MEGF8: variants seen among roughly 807,000 people sequenced by gnomAD.
MEGF8 encodes the protein multiple epidermal growth factor-like domains protein 8.
MEGF8 carries 156 observed loss-of-function variants against 302.9 expected under a neutral mutation model. That is an observed-to-expected ratio of 0.52 (90% CI 0.45 to 0.59). The LOEUF (loss-of-function observed/expected upper bound fraction) is 0.59, where lower values mean the gene tolerates loss of function less well. Ranked by LOEUF, MEGF8 falls within the 20% of genes least tolerant of loss-of-function variation. MEGF8 has a pLI of 0.00. For missense variants in MEGF8, 3,345 were observed against 3,964.5 expected, an observed-to-expected ratio of 0.84 and a Z score of 4.20; for synonymous variants, 1,621 against 1,660.5, an observed-to-expected ratio of 0.98 and a Z score of 0.58.
rs1355025089 is a variant in MEGF8, at chr19:42,353,725, G to C, written c.3761+50G>C. 6.4e-7 allele frequency: 1 copy of C among 1,573,974 alleles called. No individual in the cohort carries two copies. The highest frequency in any genetic ancestry group is 1.7e-5 in the Admixed American group (1 of 58,066). On this transcript the variant is annotated intron_variant, in intron 21 of 41. Transcript: ENST00000251268. This position sits in a 1 kb window ranked among gnomAD's most constrained non-coding sequence, Gnocchi z 6.1. The stretch of plus-strand genomic sequence containing the variant: ...TGGGTAGGGTGTGCTTGGGGACACA[G>C]TGGGGAGGGTCAGGACTGGTCTGAC...
chr19:42,375,353 C>CG lies in MEGF8; in HGVS notation c.7270-148dup, dbSNP rs1568579428. Among the ~76,000 whole-genome samples, 1 of 152,062 alleles carries CG rather than the reference C, an allele frequency of 6.6e-6. No individual in the cohort carries two copies. Among genetic ancestry groups the CG allele is most frequent in the South Asian group, 2.1e-4 (1 of 4,810 alleles). ...GGTCTACACTGTGGCAGAGAAGGTC[C>CG]GGGGGGTCACAGGGAAGTGACTGGG... On this transcript the variant is annotated intron_variant, in intron 41 of 41. Transcript: ENST00000251268. The surrounding 1 kb of genome is among the most constrained non-coding windows in gnomAD (Gnocchi z 7.1).
intron 35 of MEGF8, among the ~76,000 whole-genome samples, chr19:42,365,678 G>T (rs924589370): frequency 1.7e-4 from 26 of 150,342 alleles, no homozygotes; most frequent in Non-Finnish European, 3.1e-4. Flanking sequence ...AGGCTGAGGT[G>T]GGAGGATCAC....
chr19:42,365,558 G>A (rs1415717940), intron 35 of MEGF8, among the ~76,000 whole-genome samples: 1 of 149,328 alleles, frequency 6.7e-6, no homozygotes, highest in African/African-American at 2.5e-5. Context: ...TTGAGGCCAG[G>A]AGTTCGAGAC....
In MEGF8 at chr19:42,378,724, G is replaced by A. The variant is rs1417352667; in HGVS notation, c.*1949G>A. 4 of 153,778 alleles carry A rather than the reference G, an allele frequency of 2.6e-5. No individual in the cohort carries two copies. In the East Asian group the frequency reaches 7.7e-4, roughly 30 times the overall value. 9.5% of individuals were successfully genotyped at this position (153,778 alleles called of 1,614,324 possible). A position where few individuals can be genotyped will look rare whatever the true frequency, so the allele number is the denominator to read the frequency against. On this transcript the variant is annotated 3_prime_UTR_variant, in exon 42 of 42. Transcript: ENST00000251268. ...GGTGGTGGGGACCACATCAGAAGAA[G>A]AGGGGGGTGATGAAATTAACAAATA... is the stretch of plus-strand genomic sequence containing the variant.
Position 42,351,544 on chromosome 19 carries a change from C to T in MEGF8, c.2971C>T (p.Arg991Ter), listed in dbSNP as rs779375840. ...GGCCCGGTACCCACACGGGGGCTGT[C>T]GAGGCTGGGACGACAGGTATGGTCC... The part of the protein sequence containing the change: ...YLARYPHGGC[R>*]GWDDSVHSEP... Residue 991 changes from arginine (R) to a stop codon, truncating the protein, a stop_gained, in exon 17 of 42, where the codon CGA becomes TGA. Transcript: ENST00000251268. LOFTEE classifies it high-confidence loss of function. This position sits in a 1 kb window ranked among gnomAD's most constrained non-coding sequence, Gnocchi z 5.6. 37 of 1,609,236 alleles carry T rather than the reference C, an allele frequency of 2.3e-5. No homozygotes were observed. Among genetic ancestry groups the T allele is most frequent in the Non-Finnish European group, 3.1e-5 (36 of 1,178,200 alleles).
At position 42,362,503 on chromosome 19, in the gene MEGF8, A is replaced by C. The variant is rs749147794; in HGVS notation, c.5964A>C (p.Ala1988=). Residue 1988 remains alanine (A), a synonymous_variant, in exon 34 of 42, where the codon GCA becomes GCC. Coordinates refer to ENST00000251268, the MANE Select transcript of MEGF8 (RefSeq NM_001271938.2). The part of the protein sequence containing the change: ...CRINQREVFW[A]GNCSEAACGA... ...TCAACCAGCGAGAGGTCTTCTGGGC[A>C]GGGAACTGCTCCGAGGCTGCGTGCG... 6.2e-7 allele frequency: 1 copy of C among 1,613,926 alleles called. No homozygotes were observed. Among genetic ancestry groups the C allele is most frequent in the South Asian group, 1.1e-5 (1 of 91,088 alleles).
chr19:42,373,100 C>T (rs2039714314), intron 41 of MEGF8, among the ~76,000 whole-genome samples: 1 of 145,450 alleles, frequency 6.9e-6, no homozygotes, highest in Non-Finnish European at 1.5e-5. Context: ...TTCTTGGTTC[C>T]TTTTTTTTTT....
Position 42,376,052 on chromosome 19 carries a change from T to C in MEGF8, c.7815T>C (p.His2605=). 3.1e-6 allele frequency: 5 copies of C among 1,604,334 alleles called. No homozygotes were observed. Among genetic ancestry groups the C allele is most frequent in the African/African-American group, 2.7e-5 (2 of 75,014 alleles). Residue 2605 remains histidine (H), a synonymous_variant, in exon 42 of 42, where the codon CAT becomes CAC. Transcript: ENST00000251268. This position sits in a 1 kb window ranked among gnomAD's most constrained non-coding sequence, Gnocchi z 8.2. ...TCATCACCTACCCACACGAGCACCATGCCCTCAAGTCGAGCCGCTTCTACC... is the reference window on the plus strand; with the variant it reads ...TCATCACCTACCCACACGAGCACCACGCCCTCAAGTCGAGCCGCTTCTACC... The part of the protein sequence containing the change: ...RLVITYPHEH[H]ALKSSRFYLL...
intron 31 of MEGF8, 105 bp downstream of exon 31, chr19:42,359,347 C>A: frequency 1.9e-6 from 2 of 1,080,450 alleles, no homozygotes; most frequent in Non-Finnish European, 2.5e-6. Flanking sequence ...CCCTGCAGAC[C>A]CACTGGCAGA....
rs1600018790 is a variant in MEGF8, at chr19:42,336,665, A to G, written c.1245-142A>G. 1 of 1,278,308 alleles carries G rather than the reference A, an allele frequency of 7.8e-7. No homozygotes were observed. 79.2% of individuals were successfully genotyped at this position (1,278,308 alleles called of 1,614,324 possible). A position where few individuals can be genotyped will look rare whatever the true frequency, so the allele number is the denominator to read the frequency against. ...TCAGAGATGACTCAGGGTCCTGCCC[A>G]CAGGGAACTTCTAGTTTGGAGGGGA... On this transcript the variant is annotated intron_variant, in intron 6 of 41. Coordinates refer to ENST00000251268, the MANE Select transcript of MEGF8 (RefSeq NM_001271938.2). The surrounding 1 kb of genome is among the most constrained non-coding windows in gnomAD (Gnocchi z 4.8).
intron 8 of MEGF8, among the ~76,000 whole-genome samples, chr19:42,340,729 A>G (rs922134756): frequency 6.6e-6 from 1 of 151,894 alleles, no homozygotes; most frequent in Non-Finnish European, 1.5e-5. Context: ...GTGCGGTAGC[A>G]TAGTCTCCAC....
At chr19:42,349,390 C>G (rs1284138974) in intron 13 of MEGF8, 109 bp from the exon 14 acceptor site, 1 of 960,772 alleles carries the variant, frequency 1.0e-6, no homozygotes, top group East Asian at 2.6e-5. Context: ...CTCTGAGGCC[C>G]TCTTCTTAGG....
At chr19:42,362,987 G>C in intron 34 of MEGF8, 61 bp from the exon 35 acceptor site, 2 of 1,428,886 alleles carry the variant, frequency 1.4e-6, no homozygotes, top group Admixed American at 3.7e-5. Context: ...GTCTGAGGGA[G>C]GAGGGGCTGG....
In MEGF8 at chr19:42,333,568, C is replaced by T. The variant is rs142139924; in HGVS notation, c.188-37C>T. 6.4e-4 allele frequency: 1,024 copies of T among 1,593,020 alleles called. 10 individuals carry two copies. The highest frequency in any genetic ancestry group is 6.2e-3 in the African/African-American group (463 of 74,688). On this transcript the variant is annotated intron_variant, in intron 1 of 41. Transcript: ENST00000251268. The stretch of plus-strand genomic sequence containing the variant: ...TGCAGGGAGGTGTGGGGAGAAGGTC[C>T]GCTTTAGAGCTTGGTCCCTCTGTGC...
rs1421421435 is a variant in MEGF8 at position 42,344,345 on chromosome 19, C to T, written c.1789-96C>T. 2.0e-6 allele frequency: 3 copies of T among 1,467,836 alleles called. No homozygotes were observed. The highest frequency in any genetic ancestry group is 1.4e-5 in the South Asian group (1 of 73,952). 90.9% of individuals were successfully genotyped at this position (1,467,836 alleles called of 1,614,324 possible). ...AACTCCCCGTTCTTCAGTTTTTTCG[C>T]CCTTTCCATCGCAGGACCCTGTATC... On this transcript the variant is annotated intron_variant, in intron 10 of 41. Coordinates refer to ENST00000251268, the MANE Select transcript of MEGF8 (RefSeq NM_001271938.2). The surrounding 1 kb of genome is among the most constrained non-coding windows in gnomAD (Gnocchi z 4.5).
chr19:42,336,346 G>T lies in MEGF8; in HGVS notation c.1244G>T (p.Arg415Leu). ...VHGGHRPSTA[R>L]FSVRVNSTEL... Reference sequence around the variant, plus strand: ...GGTGGACACCGGCCCTCCACTGCCCGGTAAGTGACCTGTCCCATAACCCAT... The same window carrying T: ...GGTGGACACCGGCCCTCCACTGCCCTGTAAGTGACCTGTCCCATAACCCAT... The change falls in exon 6 of 42, where the codon CGG becomes CTG. Residue 415 changes from arginine to leucine, a missense_variant and splice_region_variant. Coordinates refer to ENST00000251268, the MANE Select transcript of MEGF8 (RefSeq NM_001271938.2). This position sits in a 1 kb window ranked among gnomAD's most constrained non-coding sequence, Gnocchi z 4.8. 6.3e-7 allele frequency: 1 copy of T among 1,588,804 alleles called. No individual in the cohort carries two copies.
intron 34 of MEGF8, 114 bp downstream of exon 34, chr19:42,362,711 G>T (rs1466707982): frequency 8.4e-7 from 1 of 1,190,182 alleles, no homozygotes. Flanking sequence ...GGGGCTGGGG[G>T]CCTGGACTCC....
In MEGF8 at chr19:42,370,308, G is replaced by C; in HGVS notation, c.6954G>C (p.Glu2318Asp). ...GCCACATCTGCATCTCCAGGAAGGA[G>C]TTACAAATGTCCAAGGGAGAGCCAA... ...GNSHICISRK[E>D]LQMSKGEPKK... The change falls in exon 39 of 42, where the codon GAG (glutamate) becomes GAC (aspartate). Residue 2318 changes from glutamate (E) to aspartate (D), a missense_variant. Physicochemically the swap from Glu to Asp is conservative, Grantham distance 45. Coordinates refer to ENST00000251268, the MANE Select transcript of MEGF8 (RefSeq NM_001271938.2). 6.2e-7 allele frequency: 1 copy of C among 1,610,980 alleles called. No individual in the cohort carries two copies.
rs1192713142 is a variant in MEGF8 at position 42,371,200 on chromosome 19, C to G, written c.7137-150C>G. 1.2e-5 allele frequency: 13 copies of G among 1,043,100 alleles called. No individual in the cohort carries two copies. In the Middle Eastern group the frequency reaches 6.3e-4, roughly 51 times the overall value. 64.6% of individuals were successfully genotyped at this position (1,043,100 alleles called of 1,614,324 possible). Reference sequence around the variant, plus strand: ...GGTTCTAATCCCAATGGTAATTTAACTGCTTTGTGGCCTTGGGCAAACAGC... The same window carrying G: ...GGTTCTAATCCCAATGGTAATTTAAGTGCTTTGTGGCCTTGGGCAAACAGC... On this transcript the variant is annotated intron_variant, in intron 40 of 41. Coordinates refer to ENST00000251268, the MANE Select transcript of MEGF8 (RefSeq NM_001271938.2).
Sources: allele counts gnomAD v4.1 joint callset (sites outside exome capture counted in the v4.1 genomes callset), GRCh38; gene constraint gnomAD v4.1.1; non-coding constraint Gnocchi (gnomAD v3.1); transcripts MANE v1.5; gene names NCBI Gene and HGNC (gene_info 2026-07-23, HGNC 2026-07-21).